Variants in ERC2 observed in about 807,000 individuals in gnomAD.
The protein encoded by ERC2 is ERC protein 2.
Under a neutral mutation model 114.8 loss-of-function variants are expected in ERC2, and 42 were observed. The ratio of observed to expected loss-of-function variants is 0.37; its 90% CI spans 0.29 to 0.47. ERC2 has a LOEUF of 0.47. Among genes scored for constraint, ERC2 ranks in the 20% least tolerant of loss-of-function variants. The pLI, the probability that ERC2 is intolerant of heterozygous loss-of-function variation, is 0.99. For missense variants in ERC2, 939 were observed against 1,150.7 expected, an observed-to-expected ratio of 0.82 and a Z score of 2.66; for synonymous variants, 454 against 425.5, an observed-to-expected ratio of 1.07 and a Z score of -0.82.
At chr3:55,776,915 C>T (rs531447382) in intron 14 of ERC2, among the ~76,000 whole-genome samples, 1 of 152,210 alleles carries the variant, frequency 6.6e-6, no homozygotes, top group Non-Finnish European at 1.5e-5. Flanking sequence ...AATGTGATTC[C>T]ATTTGGCTGC....
chr3:55,529,753 C>T (rs900774578), intron 17 of ERC2, among the ~76,000 whole-genome samples: 1 of 152,204 alleles, frequency 6.6e-6, no homozygotes, highest in Non-Finnish European at 1.5e-5. Flanking sequence ...CTGCATCACA[C>T]AGTCAACTAC....
At chr3:56,071,978 T>C (rs1338567086) in intron 7 of ERC2, 4 of 152,194 alleles carry the variant, frequency 2.6e-5, no homozygotes, top group African/African-American at 4.8e-5. Flanking sequence ...CTCACCAACA[T>C]TGGGGCAAAT....
chr3:55,991,078 G>A lies in ERC2; in HGVS notation c.2255+979C>T, dbSNP rs138502113. ...CCACTGCACTCCAGCCTGCACAGCTGGCAAAAAGCAGAGGCAAAATTTGAA... is the reference window on the plus strand; with the variant it reads ...CCACTGCACTCCAGCCTGCACAGCTAGCAAAAAGCAGAGGCAAAATTTGAA... On this transcript the variant is annotated intron_variant, in intron 11 of 17. Coordinates refer to ENST00000288221, the MANE Select transcript of ERC2 (RefSeq NM_015576.3). Among the ~76,000 whole-genome samples the A allele has an allele frequency of 1.7e-3, 261 of 152,304 alleles. 1 individual carries two copies. The highest frequency in any genetic ancestry group is 2.9e-3 in the Non-Finnish European group (197 of 68,018).
chr3:55,763,714 T>C (rs2067590898), intron 14 of ERC2, among the ~76,000 whole-genome samples: 1 of 152,214 alleles, frequency 6.6e-6, no homozygotes, highest in Admixed American at 6.5e-5. Flanking sequence ...AGGAGAAGCA[T>C]ATAATGAATG....
At chr3:55,594,984 TC>T (rs1424706000) in intron 17 of ERC2, among the ~76,000 whole-genome samples, 2 of 152,144 alleles carry the variant, frequency 1.3e-5, no homozygotes, top group East Asian at 3.9e-4. Flanking sequence ...ACTACCTTCA[TC>T]ATCACTGTCA....
chr3:55,626,551 C>G (rs1439941574), intron 17 of ERC2, among the ~76,000 whole-genome samples: 1 of 152,238 alleles, frequency 6.6e-6, no homozygotes, highest in Non-Finnish European at 1.5e-5. Flanking sequence ...CTAGCCAGGT[C>G]TGCTTATTTA....
intron 3 of ERC2, among the ~76,000 whole-genome samples, chr3:56,290,108 T>C (rs1297499258): frequency 6.6e-6 from 1 of 152,226 alleles, no homozygotes; most frequent in Non-Finnish European, 1.5e-5. Flanking sequence ...TGCCCAATGA[T>C]GTCCAACACA....
At chr3:55,524,427 CG>C (rs768816531) in intron 17 of ERC2, among the ~76,000 whole-genome samples, 42 of 152,036 alleles carry the variant, frequency 2.8e-4, no homozygotes, top group Non-Finnish European at 4.4e-4. Flanking sequence ...CAGCCAGCCA[CG>C]TTGGCAGCCT....
chr3:55,662,289 G>A (rs2061171346), intron 17 of ERC2, among the ~76,000 whole-genome samples: 1 of 152,236 alleles, frequency 6.6e-6, no homozygotes, highest in Non-Finnish European at 1.5e-5. Flanking sequence ...CTGCAGTCTT[G>A]TTTGTGATAG....
At chr3:55,898,930 T>C (rs897163397) in intron 13 of ERC2, among the ~76,000 whole-genome samples, 8 of 152,238 alleles carry the variant, frequency 5.3e-5, no homozygotes, top group African/African-American at 1.9e-4. Flanking sequence ...ACAGTAGATC[T>C]TCCTGCAATG....
intron 14 of ERC2, among the ~76,000 whole-genome samples, chr3:55,759,487 A>AAC (rs2067284474): frequency 1.4e-5 from 2 of 147,540 alleles, no homozygotes; most frequent in African/African-American, 5.1e-5. Context: ...AAAAAAAAAA[A>AAC]AAAAAAAAAA....
At chr3:55,928,771 G>T (rs574069185) in intron 13 of ERC2, among the ~76,000 whole-genome samples, 3 of 152,268 alleles carry the variant, frequency 2.0e-5, no homozygotes, top group South Asian at 2.1e-4. Context: ...TCTACATTTT[G>T]ATTTGATTTT....
At chr3:56,409,053 A>T (rs888295390) in intron 2 of ERC2, among the ~76,000 whole-genome samples, 6 of 152,196 alleles carry the variant, frequency 3.9e-5, no homozygotes, top group African/African-American at 1.4e-4. Context: ...GTCATCTCAC[A>T]CACGCTCCTG....
In ERC2 at chr3:55,788,932, T is replaced by C. The variant is rs2069743719; in HGVS notation, c.2565-54014A>G. Among the ~76,000 whole-genome samples the C allele has an allele frequency of 2.6e-5, 4 of 152,202 alleles. No individual in the cohort carries two copies. In the South Asian group the frequency reaches 8.3e-4, roughly 31 times the overall value. On this transcript the variant is annotated intron_variant, in intron 14 of 17. Coordinates refer to ENST00000288221, the MANE Select transcript of ERC2 (RefSeq NM_015576.3). ...AACATAACCAGCACCCAAAGCCTTCTTGTGTAGCTTCCCAGTCACCTCCCA... is the reference window on the plus strand; with the variant it reads ...AACATAACCAGCACCCAAAGCCTTCCTGTGTAGCTTCCCAGTCACCTCCCA...
chr3:56,124,317 A>G (rs931358681), intron 6 of ERC2, among the ~76,000 whole-genome samples: 2 of 152,236 alleles, frequency 1.3e-5, no homozygotes, highest in African/African-American at 4.8e-5. Context: ...AGTAAAAATA[A>G]GAACATAAGA....
intron 3 of ERC2, among the ~76,000 whole-genome samples, chr3:56,282,295 A>G (rs2054400509): frequency 1.3e-5 from 2 of 152,234 alleles, no homozygotes; most frequent in Non-Finnish European, 2.9e-5. Flanking sequence ...AATGGGAGGA[A>G]AATGATTAAG....
chr3:55,591,645 A>C (rs2047565), intron 17 of ERC2, among the ~76,000 whole-genome samples: 145,599 of 151,722 alleles, frequency 0.96, 70,087 homozygotes, highest in East Asian at 1. Context: ...GACCAAGGCC[A>C]AAACCAAACA....
Position 55,713,506 on chromosome 3 carries a change from C to T in ERC2, c.2713-13994G>A, listed in dbSNP as rs577028559. On this transcript the variant is annotated intron_variant, in intron 15 of 17. Transcript: ENST00000288221. Reference sequence around the variant, plus strand: ...TGCTGGGATTACAGGCATGAGCCACCGCTCCTGTCCCTTACTAAATATTTT... The same window carrying T: ...TGCTGGGATTACAGGCATGAGCCACTGCTCCTGTCCCTTACTAAATATTTT... Among the ~76,000 whole-genome samples the T allele has an allele frequency of 5.7e-4, 87 of 152,236 alleles. 1 individual carries two copies. Among genetic ancestry groups the T allele is most frequent in the Admixed American group, 8.5e-4 (13 of 15,296 alleles).
At chr3:56,162,959 A>G (rs192620361) in intron 4 of ERC2, among the ~76,000 whole-genome samples, 4 of 151,748 alleles carry the variant, frequency 2.6e-5, no homozygotes, top group Admixed American at 2.6e-4. Flanking sequence ...GTGATGTTAG[A>G]TTGTTAATTT....
Sources: allele counts gnomAD v4.1 joint callset (sites outside exome capture counted in the v4.1 genomes callset), GRCh38; gene constraint gnomAD v4.1.1; transcripts MANE v1.5; gene names NCBI Gene and HGNC (gene_info 2026-07-23, HGNC 2026-07-21).